Variants in EPHB1 observed in about 807,000 individuals in gnomAD.
The protein encoded by EPHB1 is EPH receptor B1.
A neutral mutation model predicts 94.4 loss-of-function variants in EPHB1; 30 were observed. The observed-to-expected ratio is 0.32, with a 90% CI of 0.24 to 0.43. EPHB1 has a LOEUF of 0.43. EPHB1 is among the 20% of genes least tolerant of loss of function. EPHB1 has a pLI of 1.00. For synonymous variants in EPHB1, 522 were observed against 489.1 expected, an observed-to-expected ratio of 1.07 and a Z score of -0.89; for missense variants, 1,055 against 1,308.3, an observed-to-expected ratio of 0.81 and a Z score of 2.99.
chr3:135,036,467 T>C (rs1936651983), intron 3 of EPHB1, among the ~76,000 whole-genome samples: 2 of 152,170 alleles, frequency 1.3e-5, no homozygotes, highest in South Asian at 4.1e-4. Flanking sequence ...GTCTTTGCCA[T>C]GTGGGTGCTC....
rs922748311 is a variant in EPHB1, at chr3:135,125,501, A to G, written c.962-7213A>G. Reference sequence around the variant, plus strand: ...AGGGAATGATGGAAAAGGAATTACTATCATACTTAGGAGGAGCAAGAGAAG... The same window carrying G: ...AGGGAATGATGGAAAAGGAATTACTGTCATACTTAGGAGGAGCAAGAGAAG... On this transcript the variant is annotated intron_variant, in intron 4 of 15. Transcript: ENST00000398015. 1.8e-4 allele frequency among the ~76,000 whole-genome samples: 28 copies of G among 151,562 alleles called. 1 individual carries two copies. The highest frequency in any genetic ancestry group is 4.6e-4 in the African/African-American group (19 of 40,980).
At chr3:134,945,760 G>A (rs915847969) in intron 2 of EPHB1, among the ~76,000 whole-genome samples, 1 of 152,210 alleles carries the variant, frequency 6.6e-6, no homozygotes, top group African/African-American at 2.4e-5. Context: ...ATGCCTAGAA[G>A]TGGAGGCTAA....
chr3:135,031,850 C>T (rs532772093), intron 3 of EPHB1, among the ~76,000 whole-genome samples: 3 of 152,136 alleles, frequency 2.0e-5, no homozygotes, highest in African/African-American at 4.8e-5. Context: ...CCTTATATTT[C>T]GTTGATTGGC....
chr3:135,047,514 A>G lies in EPHB1; in HGVS notation c.806-58934A>G, dbSNP rs114502332. Among the ~76,000 whole-genome samples, 801 of 152,250 alleles carry G rather than the reference A, an allele frequency of 5.3e-3. 4 individuals are homozygous for G. The highest frequency in any genetic ancestry group is 0.018 in the African/African-American group (759 of 41,546). On this transcript the variant is annotated intron_variant, in intron 3 of 15. Transcript: ENST00000398015. Reference sequence around the variant, plus strand: ...CACAGCCAGCAAAAGCCCATTGAGGATTCAGGGCCTCTGCAGGACTGACTG... The same window carrying G: ...CACAGCCAGCAAAAGCCCATTGAGGGTTCAGGGCCTCTGCAGGACTGACTG...
At chr3:135,057,513 T>A (rs1461658898) in intron 3 of EPHB1, among the ~76,000 whole-genome samples, 1 of 152,142 alleles carries the variant, frequency 6.6e-6, no homozygotes, top group Non-Finnish European at 1.5e-5. Context: ...CTCACTGATG[T>A]CCACTTGTCC....
At chr3:135,059,106 A>G (rs895005794) in intron 3 of EPHB1, among the ~76,000 whole-genome samples, 2 of 152,240 alleles carry the variant, frequency 1.3e-5, no homozygotes, top group African/African-American at 2.4e-5. Flanking sequence ...TATGTACAGC[A>G]TATCAAGTTG....
At chr3:134,962,981 C>T (rs1170697602) in intron 3 of EPHB1, among the ~76,000 whole-genome samples, 1 of 152,166 alleles carries the variant, frequency 6.6e-6, no homozygotes, top group African/African-American at 2.4e-5. Flanking sequence ...TGGGCTGTTG[C>T]TTGCTGCAGC....
intron 12 of EPHB1, among the ~76,000 whole-genome samples, chr3:135,231,871 A>G (rs962044893): frequency 6.6e-5 from 10 of 152,162 alleles, no homozygotes; most frequent in African/African-American, 2.4e-4. Flanking sequence ...TCAAGTTTTC[A>G]TTCTCTGTAT....
chr3:135,155,935 A>G (rs1941339311), intron 6 of EPHB1, among the ~76,000 whole-genome samples: 1 of 152,040 alleles, frequency 6.6e-6, no homozygotes, highest in African/African-American at 2.4e-5. Flanking sequence ...AGAGCCTAGT[A>G]GATCTACAAT....
intron 3 of EPHB1, among the ~76,000 whole-genome samples, chr3:135,078,937 A>G (rs1576366947): frequency 6.6e-6 from 1 of 152,168 alleles, no homozygotes; most frequent in African/African-American, 2.4e-5. Flanking sequence ...CTATAACTGT[A>G]GTAACCTCAT....
rs147713397 is a variant in EPHB1, at chr3:135,217,586, G to A, written c.2346+15897G>A. The stretch of plus-strand genomic sequence containing the variant: ...GAGCGATGTACACACAGAACTATAC[G>A]CAATCACCCAGGGCTACCCAGAAAC... On this transcript the variant is annotated intron_variant, in intron 12 of 15. Coordinates refer to ENST00000398015, the MANE Select transcript of EPHB1 (RefSeq NM_004441.5). Among the ~76,000 whole-genome samples, 845 of 152,076 alleles carry A rather than the reference G, an allele frequency of 5.6e-3. 5 individuals carry two copies. Among genetic ancestry groups the A allele is most frequent in the Non-Finnish European group, 8.2e-3 (557 of 67,994 alleles).
At chr3:135,112,566 T>A (rs187354667) in intron 4 of EPHB1, among the ~76,000 whole-genome samples, 1,644 of 112,464 alleles carry the variant, frequency 0.015, 14 homozygotes, top group Admixed American at 0.026. Context: ...CAGTCCCCAG[T>A]GTGTGATATT....
At chr3:135,019,255 T>C (rs1935909420) in intron 3 of EPHB1, among the ~76,000 whole-genome samples, 1 of 152,018 alleles carries the variant, frequency 6.6e-6, no homozygotes, top group Non-Finnish European at 1.5e-5. Flanking sequence ...CACAAAGCAG[T>C]CTTATCCCCC....
intron 3 of EPHB1, among the ~76,000 whole-genome samples, chr3:134,993,935 T>A (rs1437090274): frequency 1.3e-5 from 2 of 152,254 alleles, no homozygotes; most frequent in Non-Finnish European, 2.9e-5. Context: ...TTGATTTCTT[T>A]AGCCTTGAAG....
intron 13 of EPHB1, among the ~76,000 whole-genome samples, chr3:135,242,017 T>G (rs570083642): frequency 2.2e-4 from 33 of 152,292 alleles, no homozygotes; most frequent in Middle Eastern, 3.4e-3. Context: ...AAATAGAGGC[T>G]TTTTGGAATG....
At chr3:135,249,067 G>T (rs764599503) in intron 14 of EPHB1, among the ~76,000 whole-genome samples, 1 of 152,166 alleles carries the variant, frequency 6.6e-6, no homozygotes, top group Non-Finnish European at 1.5e-5. Context: ...GGAGCCTTCC[G>T]TTCCCTTCAG....
At chr3:134,997,342 CCTT>C (rs1257921048) in intron 3 of EPHB1, among the ~76,000 whole-genome samples, 1 of 152,186 alleles carries the variant, frequency 6.6e-6, no homozygotes, top group Admixed American at 6.5e-5. Flanking sequence ...TCTGGGGTCT[CCTT>C]CTGGTGATTT....
At position 135,173,097 on chromosome 3, in the gene EPHB1, G is replaced by C. The variant is rs550346034; in HGVS notation, c.1759+6091G>C. 3.5e-4 allele frequency among the ~76,000 whole-genome samples: 52 copies of C among 150,534 alleles called. No individual in the cohort carries two copies. In the South Asian group the frequency reaches 8.4e-3, roughly 24 times the overall value. On this transcript the variant is annotated intron_variant, in intron 9 of 15. Transcript: ENST00000398015. ...TCGCCCAGGCTGGAGTGCAGTGGCGGGATCTCAGCTCACTGCAAGCTCCGC... is the reference window on the plus strand; with the variant it reads ...TCGCCCAGGCTGGAGTGCAGTGGCGCGATCTCAGCTCACTGCAAGCTCCGC...
At chr3:135,203,776 C>T (rs1404578906) in intron 12 of EPHB1, among the ~76,000 whole-genome samples, 1 of 152,094 alleles carries the variant, frequency 6.6e-6, no homozygotes, top group Non-Finnish European at 1.5e-5. Context: ...TCATATTATG[C>T]CTATTCCTCT....
Sources: gnomAD v4.1 joint callset for allele counts (sites outside exome capture counted in the v4.1 genomes callset) on GRCh38, gnomAD v4.1.1 for gene constraint, MANE v1.5 for transcripts, NCBI Gene and HGNC (gene_info 2026-07-23, HGNC 2026-07-21) for gene names.